Variants in SLC24A3 observed in about 807,000 individuals in gnomAD.
SLC24A3 encodes the protein sodium/potassium/calcium exchanger 3.
SLC24A3 carries 28 observed loss-of-function variants against 75.8 expected under a neutral mutation model. The ratio of observed to expected loss-of-function variants is 0.37; its 90% confidence interval spans 0.27 to 0.51. The LOEUF (loss-of-function observed/expected upper bound fraction) is 0.51. SLC24A3 is among the 20% of genes least tolerant of loss of function. SLC24A3 has a pLI of 0.94. For missense variants in SLC24A3, 663 were observed against 847.8 expected, an observed-to-expected ratio of 0.78 and a Z score of 2.71; for synonymous variants, 372 against 334.1, an observed-to-expected ratio of 1.11 and a Z score of -1.24.
chr20:19,430,766 G>A (rs74523640), intron 2 of SLC24A3, among the ~76,000 whole-genome samples: 3,356 of 150,806 alleles, frequency 0.022, 105 homozygotes, highest in African/African-American at 0.073. Flanking sequence ...TCACACACTT[G>A]CATGCATGCA....
At chr20:19,508,522 G>A (rs1988492224) in intron 2 of SLC24A3, among the ~76,000 whole-genome samples, 1 of 151,808 alleles carries the variant, frequency 6.6e-6, no homozygotes, top group Non-Finnish European at 1.5e-5. Context: ...AAGCAAAGGA[G>A]AAAAGACTCT....
chr20:19,636,465 TGA>T (rs993535525), intron 6 of SLC24A3, among the ~76,000 whole-genome samples: 4 of 152,262 alleles, frequency 2.6e-5, no homozygotes, highest in African/African-American at 9.6e-5. Flanking sequence ...GGTTTGTAAC[TGA>T]GAGAGAAAAA....
chr20:19,648,156 C>G (rs2032160255), intron 6 of SLC24A3, among the ~76,000 whole-genome samples: 1 of 152,146 alleles, frequency 6.6e-6, no homozygotes, highest in African/African-American at 2.4e-5. Context: ...ACTGAGACTG[C>G]CCTGTGGGAG....
In SLC24A3 at chr20:19,388,764, G is replaced by A. The variant is rs566858014; in HGVS notation, c.271+107677G>A. 1.2e-3 allele frequency among the ~76,000 whole-genome samples: 183 copies of A among 152,212 alleles called. 1 individual carries two copies. The highest frequency in any genetic ancestry group is 2.4e-3 in the Non-Finnish European group (161 of 68,012). On this transcript the variant is annotated intron_variant, in intron 2 of 16. Coordinates refer to ENST00000328041, the MANE Select transcript of SLC24A3 (RefSeq NM_020689.4). The stretch of plus-strand genomic sequence containing the variant: ...CCATCTTTTCACTTTCAGCCTATGC[G>A]TGTTCTTAAAACTAAAGTGAATCTT...
At chr20:19,236,618 T>C (rs372807615) in intron 1 of SLC24A3, among the ~76,000 whole-genome samples, 2 of 152,024 alleles carry the variant, frequency 1.3e-5, no homozygotes, top group Non-Finnish European at 2.9e-5. Flanking sequence ...TGGCCAGGCA[T>C]GGTGGTGCAT....
At chr20:19,586,609 A>G (rs1042255898) in intron 6 of SLC24A3, among the ~76,000 whole-genome samples, 6 of 152,112 alleles carry the variant, frequency 3.9e-5, no homozygotes, top group African/African-American at 1.4e-4. Flanking sequence ...TGTAGACTCG[A>G]GGGTCTCCAT....
chr20:19,653,296 T>G (rs2032228305), intron 6 of SLC24A3, among the ~76,000 whole-genome samples: 1 of 152,202 alleles, frequency 6.6e-6, no homozygotes, highest in Non-Finnish European at 1.5e-5. Context: ...TCCAGCAATG[T>G]GCCTATCAGC....
intron 1 of SLC24A3, among the ~76,000 whole-genome samples, chr20:19,240,485 A>C (rs562757914): frequency 6.6e-6 from 1 of 152,346 alleles, no homozygotes; most frequent in Admixed American, 6.5e-5. Context: ...GAGTGGACAA[A>C]ACTCTGTATG....
chr20:19,674,964 C>A (rs2032507073), intron 9 of SLC24A3, among the ~76,000 whole-genome samples: 1 of 152,242 alleles, frequency 6.6e-6, no homozygotes, highest in African/African-American at 2.4e-5. Flanking sequence ...GCAGGAGAAT[C>A]GCTGGAACCC....
intron 6 of SLC24A3, among the ~76,000 whole-genome samples, chr20:19,631,982 C>T (rs1000899698): frequency 6.6e-6 from 1 of 152,056 alleles, no homozygotes; most frequent in African/African-American, 2.4e-5. Context: ...ATGGCAGTAA[C>T]CACACACACC....
intron 7 of SLC24A3, among the ~76,000 whole-genome samples, chr20:19,658,747 T>C (rs1368316867): frequency 6.6e-6 from 1 of 152,126 alleles, no homozygotes; most frequent in Non-Finnish European, 1.5e-5. Context: ...AGACATCACC[T>C]TTTAAATCCT....
At chr20:19,254,812 G>T (rs987641978) in intron 1 of SLC24A3, among the ~76,000 whole-genome samples, 1 of 152,152 alleles carries the variant, frequency 6.6e-6, no homozygotes, top group Admixed American at 6.5e-5. Flanking sequence ...AGGGCAGCAT[G>T]GTGGTCAGGA....
chr20:19,218,670 C>G (rs1400884051), intron 1 of SLC24A3, among the ~76,000 whole-genome samples: 4 of 151,778 alleles, frequency 2.6e-5, no homozygotes, highest in African/African-American at 9.7e-5. Flanking sequence ...CCTCCACTTG[C>G]AAGCCTCAAA....
At chr20:19,609,448 T>A (rs2031642540) in intron 6 of SLC24A3, among the ~76,000 whole-genome samples, 1 of 152,202 alleles carries the variant, frequency 6.6e-6, no homozygotes, top group South Asian at 2.1e-4. Context: ...ATGTGCAGAC[T>A]GTGCAGGCTT....
intron 1 of SLC24A3, among the ~76,000 whole-genome samples, chr20:19,266,418 A>T (rs1230170600): frequency 1.3e-5 from 2 of 152,110 alleles, no homozygotes; most frequent in Non-Finnish European, 2.9e-5. Flanking sequence ...CCTCTGCCTG[A>T]CTCATTGGTG....
chr20:19,467,054 G>A lies in SLC24A3; in HGVS notation c.272-48434G>A, dbSNP rs76206435. 2.0e-4 allele frequency among the ~76,000 whole-genome samples: 31 copies of A among 152,266 alleles called. No homozygotes were observed. In the East Asian group the frequency reaches 4.6e-3, roughly 23 times the overall value. On this transcript the variant is annotated intron_variant, in intron 2 of 16. Coordinates refer to ENST00000328041, the MANE Select transcript of SLC24A3 (RefSeq NM_020689.4). ...GTAATTGCTATGAAAAGAATAAGCC[G>A]GGCAATCGGATATCATTTAAGCACA...
At chr20:19,490,174 C>A (rs1988189107) in intron 2 of SLC24A3, among the ~76,000 whole-genome samples, 3 of 152,196 alleles carry the variant, frequency 2.0e-5, no homozygotes, top group Non-Finnish European at 4.4e-5. Flanking sequence ...GCCACATGTC[C>A]TCCCATCTTT....
intron 6 of SLC24A3, among the ~76,000 whole-genome samples, chr20:19,653,552 G>T (rs186788969): frequency 8.3e-4 from 127 of 152,326 alleles, no homozygotes; most frequent in African/African-American, 2.5e-3. Context: ...GGCAAGACAG[G>T]CTGTAGCAGA....
intron 1 of SLC24A3, among the ~76,000 whole-genome samples, chr20:19,245,680 A>G (rs966007743): frequency 3.3e-5 from 5 of 152,210 alleles, no homozygotes; most frequent in East Asian, 3.8e-4. Context: ...TTACTATCCA[A>G]TAAAGTTGAT....
Sources: gnomAD v4.1 joint callset for allele counts (sites outside exome capture counted in the v4.1 genomes callset) on GRCh38, gnomAD v4.1.1 for gene constraint, MANE v1.5 for transcripts, NCBI Gene and HGNC (gene_info 2026-07-23, HGNC 2026-07-21) for gene names.